Variants in UBE2E2 observed in about 807,000 individuals in gnomAD.
UBE2E2 encodes the protein ubiquitin-conjugating enzyme E2 E2.
In UBE2E2, 6 loss-of-function variants were observed where a neutral mutation model predicts 24.7. That is an observed-to-expected ratio of 0.24 (90% CI 0.13 to 0.48). The LOEUF (loss-of-function observed/expected upper bound fraction) is 0.48, where lower values mean the gene tolerates loss of function less well. Among genes scored for constraint, UBE2E2 ranks in the 20% least tolerant of loss-of-function variants. The pLI is 0.99. For synonymous variants in UBE2E2, 104 were observed against 83.6 expected (o/e 1.24, Z -1.33); for missense variants, 169 against 245.0 (o/e 0.69, Z 2.07).
At chr3:23,506,142 C>G (rs1399471435) in intron 4 of UBE2E2, among the ~76,000 whole-genome samples, 2 of 152,186 alleles carry the variant, frequency 1.3e-5, no homozygotes, top group African/African-American at 2.4e-5. Context: ...TTCATTTACT[C>G]CAGCCTTGGT....
intron 3 of UBE2E2, among the ~76,000 whole-genome samples, chr3:23,468,889 G>A (rs1698976867): frequency 6.6e-6 from 1 of 152,094 alleles, no homozygotes; most frequent in Non-Finnish European, 1.5e-5. Context: ...TCGATGCCTG[G>A]TATATTGTGG....
chr3:23,522,437 C>A (rs1694891365), intron 4 of UBE2E2, among the ~76,000 whole-genome samples: 1 of 152,130 alleles, frequency 6.6e-6, no homozygotes, highest in South Asian at 2.1e-4. Context: ...TGGCCATAAC[C>A]AGCTTATTTT....
At chr3:23,363,086 ACAAG>A (rs939709169) in intron 3 of UBE2E2, among the ~76,000 whole-genome samples, 3 of 152,242 alleles carry the variant, frequency 2.0e-5, no homozygotes, top group Admixed American at 2.0e-4. Context: ...TCCTTTTAAG[ACAAG>A]CAAATGCTAA....
At chr3:23,344,031 AATC>A (rs1695476560) in intron 3 of UBE2E2, among the ~76,000 whole-genome samples, 3 of 152,158 alleles carry the variant, frequency 2.0e-5, no homozygotes, top group Admixed American at 2.0e-4. Flanking sequence ...ATATCAACTA[AATC>A]TAGTTTTCAA....
intron 3 of UBE2E2, among the ~76,000 whole-genome samples, chr3:23,426,348 T>A (rs1248447723): frequency 6.6e-6 from 1 of 150,636 alleles, no homozygotes; most frequent in Non-Finnish European, 1.5e-5. Context: ...ACAACAGAAA[T>A]TTTCCTGCAA....
At chr3:23,421,053 G>T (rs1295662939) in intron 3 of UBE2E2, among the ~76,000 whole-genome samples, 1 of 152,218 alleles carries the variant, frequency 6.6e-6, no homozygotes, top group African/African-American at 2.4e-5. Context: ...TTTCTGAAAG[G>T]TAGAACTCTT....
chr3:23,223,961 C>G (rs1003912970), intron 3 of UBE2E2, among the ~76,000 whole-genome samples: 3 of 152,024 alleles, frequency 2.0e-5, no homozygotes, highest in Non-Finnish European at 4.4e-5. Flanking sequence ...GCTGTAAATG[C>G]GTGGATTTAT....
chr3:23,357,173 G>GGAATGGGATATCA (rs1294209179), intron 3 of UBE2E2, among the ~76,000 whole-genome samples: 2 of 152,224 alleles, frequency 1.3e-5, no homozygotes, highest in African/African-American at 4.8e-5. Flanking sequence ...TGGGCCGGAA[G>GGAATGGGATATCA]GAATGGGATA....
chr3:23,454,881 T>C (rs1698642008), intron 3 of UBE2E2, among the ~76,000 whole-genome samples: 1 of 152,098 alleles, frequency 6.6e-6, no homozygotes, highest in African/African-American at 2.4e-5. Flanking sequence ...GCATAGAAAA[T>C]GTTAGGAATT....
intron 3 of UBE2E2, among the ~76,000 whole-genome samples, chr3:23,293,145 A>G (rs1698813851): frequency 6.6e-6 from 1 of 152,248 alleles, no homozygotes; most frequent in Non-Finnish European, 1.5e-5. Flanking sequence ...GCACAGTGCC[A>G]GTCACATAAT....
intron 3 of UBE2E2, among the ~76,000 whole-genome samples, chr3:23,326,371 A>T (rs1166345465): frequency 6.6e-6 from 1 of 152,150 alleles, no homozygotes; most frequent in Non-Finnish European, 1.5e-5. Flanking sequence ...GTGCCTGGCC[A>T]TCTGTAATCT....
chr3:23,499,213 T>G (rs1047821171), intron 3 of UBE2E2, among the ~76,000 whole-genome samples: 1 of 152,206 alleles, frequency 6.6e-6, no homozygotes, highest in Non-Finnish European at 1.5e-5. Flanking sequence ...TTGAACCTCC[T>G]TTGTGTTCTC....
At chr3:23,426,726 A>G (rs571449325) in intron 3 of UBE2E2, among the ~76,000 whole-genome samples, 133 of 152,328 alleles carry the variant, frequency 8.7e-4, no homozygotes, top group Middle Eastern at 3.4e-3. Flanking sequence ...CTGCTTTGCA[A>G]TAAATGTTAA....
intron 1 of UBE2E2, chr3:23,204,785 A>G: frequency 1.0e-6 from 1 of 978,478 alleles, no homozygotes; most frequent in Non-Finnish European, 1.2e-6. Flanking sequence ...CATATACTAT[A>G]TATTTATTTT....
At chr3:23,524,697 T>C (rs1483401974) in intron 4 of UBE2E2, among the ~76,000 whole-genome samples, 1 of 152,244 alleles carries the variant, frequency 6.6e-6, no homozygotes, top group Non-Finnish European at 1.5e-5. Flanking sequence ...AGAATGCTAC[T>C]GTGTTCTTTT....
chr3:23,281,348 G>A (rs946072944), intron 3 of UBE2E2, among the ~76,000 whole-genome samples: 1 of 152,148 alleles, frequency 6.6e-6, no homozygotes, highest in South Asian at 2.1e-4. Context: ...AAGAAATAAC[G>A]TGGCTGGGCA....
At chr3:23,239,700 T>C (rs1002705969) in intron 3 of UBE2E2, among the ~76,000 whole-genome samples, 2 of 152,172 alleles carry the variant, frequency 1.3e-5, no homozygotes, top group African/African-American at 4.8e-5. Context: ...AGTTCAGATT[T>C]AGCAAACATT....
chr3:23,306,526 G>C (rs1250364194), intron 3 of UBE2E2, among the ~76,000 whole-genome samples: 1 of 152,128 alleles, frequency 6.6e-6, no homozygotes, highest in Non-Finnish European at 1.5e-5. Context: ...TCAAATTATA[G>C]ATAACAATAA....
intron 3 of UBE2E2, among the ~76,000 whole-genome samples, chr3:23,392,499 TA>T (rs893551464): frequency 2.0e-5 from 3 of 150,554 alleles, no homozygotes; most frequent in Admixed American, 6.6e-5. Context: ...TCTTATAGTT[TA>T]AAAAAAAACA....
Sources: gnomAD v4.1 joint callset for allele counts (sites outside exome capture counted in the v4.1 genomes callset) on GRCh38, gnomAD v4.1.1 for gene constraint, MANE v1.5 for transcripts, NCBI Gene and HGNC (gene_info 2026-07-23, HGNC 2026-07-21) for gene names.